Variants in DTNA observed in about 807,000 individuals in gnomAD.
DTNA encodes the protein dystrobrevin alpha.
A neutral mutation model predicts 100.7 loss-of-function variants in DTNA; 43 were observed. That is an observed-to-expected ratio of 0.43 (90% CI 0.33 to 0.55). The LOEUF is 0.55. Ranked by LOEUF, DTNA falls within the 20% of genes least tolerant of loss-of-function variation. The pLI is 0.04. For missense variants in DTNA, 798 were observed against 953.9 expected, an observed-to-expected ratio of 0.84 and a Z score of 2.15; for synonymous variants, 349 against 347.9, an observed-to-expected ratio of 1.00 and a Z score of -0.04.
At position 34,557,744 on chromosome 18, in the gene DTNA, G is replaced by A. The variant is rs1460357121; in HGVS notation, c.-2+64230G>A. ...TGCCTGTTCTCAGATTTCCAGCTAC[G>A]TGCTGGGAGAACCACTGCCCTCTTC... is the stretch of plus-strand genomic sequence containing the variant. On this transcript the variant is annotated intron_variant, in intron 1 of 19. Coordinates refer to the DTNA transcript ENST00000283365. 4.0e-5 allele frequency among the ~76,000 whole-genome samples: 6 copies of A among 151,338 alleles called. No individual in the cohort carries two copies. The East Asian group carries it at 5.8e-4, about 15-fold the overall frequency.
intron 1 of DTNA, among the ~76,000 whole-genome samples, chr18:34,697,152 A>G (rs2080687454): frequency 6.6e-6 from 1 of 152,196 alleles, no homozygotes; most frequent in African/African-American, 2.4e-5. Flanking sequence ...ACCAGGTTCA[A>G]TATGTGGTAT....
intron 9 of DTNA, among the ~76,000 whole-genome samples, chr18:34,821,719 A>C (rs1413061284): frequency 6.6e-6 from 1 of 152,184 alleles, no homozygotes; most frequent in Non-Finnish European, 1.5e-5. Context: ...CTCCTTATGA[A>C]CTGCCTGTAG....
At chr18:34,775,288 G>A (rs1842412) in intron 3 of DTNA, among the ~76,000 whole-genome samples, 105,844 of 151,958 alleles carry the variant, frequency 0.7, 37,901 homozygotes, top group East Asian at 0.9. Flanking sequence ...AGATCGAGAC[G>A]ATCCTGGTGA....
chr18:34,815,991 A>G lies in DTNA; in HGVS notation c.686A>G (p.His229Arg). ...PQCLVWLPLL[H>R]RLANVENVFH... ...TGTCTGGTCTGGTTGCCTCTTCTGC[A>G]TCGACTAGCAAATGTGGAAAATGGT... Residue 229 changes from histidine to arginine, a missense_variant, in exon 7 of 23, where the codon CAT becomes CGT. Coordinates refer to ENST00000444659, the MANE Select transcript of DTNA (RefSeq NM_001386795.1). 1 of 1,613,826 alleles carries G rather than the reference A, an allele frequency of 6.2e-7. No homozygotes were observed. The highest frequency in any genetic ancestry group is 8.5e-7 in the Non-Finnish European group (1 of 1,179,742).
chr18:34,675,766 A>G (rs1484810073), intron 1 of DTNA, among the ~76,000 whole-genome samples: 1 of 152,186 alleles, frequency 6.6e-6, no homozygotes, highest in Non-Finnish European at 1.5e-5. Context: ...GATGGCAACC[A>G]AAAATATACA....
chr18:34,548,469 ATAAT>A (rs764111153), intron 1 of DTNA, among the ~76,000 whole-genome samples: 2 of 152,274 alleles, frequency 1.3e-5, no homozygotes, highest in African/African-American at 4.8e-5. Flanking sequence ...AAACTTGATG[ATAAT>A]TAACATTTTA....
intron 1 of DTNA, among the ~76,000 whole-genome samples, chr18:34,679,926 AG>A (rs2145437743): frequency 6.6e-6 from 1 of 152,288 alleles, no homozygotes; most frequent in Non-Finnish European, 1.5e-5. Context: ...TCTATTCTAA[AG>A]GTTATATAAT....
At chr18:34,724,958 G>A (rs910778243) in intron 1 of DTNA, among the ~76,000 whole-genome samples, 7 of 151,952 alleles carry the variant, frequency 4.6e-5, no homozygotes, top group South Asian at 2.1e-4. Context: ...TACAACCATC[G>A]GATATTTGAT....
chr18:34,501,912 T>C (rs917213711), intron 1 of DTNA, among the ~76,000 whole-genome samples: 1 of 152,198 alleles, frequency 6.6e-6, no homozygotes, highest in African/African-American at 2.4e-5. Flanking sequence ...ACCAGTCAGA[T>C]TGGATTAGGC....
intron 1 of DTNA, chr18:34,513,387 G>A (rs1261333412): frequency 6.6e-6 from 1 of 152,128 alleles, no homozygotes. Context: ...GGAAAATATG[G>A]CAAATTTCAA....
chr18:34,700,778 C>G (rs2081254346), intron 1 of DTNA, among the ~76,000 whole-genome samples: 3 of 152,210 alleles, frequency 2.0e-5, no homozygotes, highest in African/African-American at 7.2e-5. Context: ...TGGTTCATCA[C>G]TTTCCCATTT....
intron 1 of DTNA, among the ~76,000 whole-genome samples, chr18:34,532,570 AG>A (rs1274121260): frequency 1.2e-4 from 18 of 151,938 alleles, no homozygotes; most frequent in South Asian, 2.1e-4. Flanking sequence ...CCCGGAAGGA[AG>A]TCTTTGTTCT....
At chr18:34,813,822 A>C (rs1476446340) in intron 6 of DTNA, among the ~76,000 whole-genome samples, 1 of 149,814 alleles carries the variant, frequency 6.7e-6, no homozygotes, top group African/African-American at 2.5e-5. Context: ...AGCCTGGGAG[A>C]CAAAGCAAGA....
At chr18:34,515,895 C>T (rs915897229) in intron 1 of DTNA, among the ~76,000 whole-genome samples, 4 of 152,084 alleles carry the variant, frequency 2.6e-5, no homozygotes, top group African/African-American at 9.7e-5. Flanking sequence ...CTGAAAGAAG[C>T]AGAGGTATCA....
intron 1 of DTNA, among the ~76,000 whole-genome samples, chr18:34,571,551 C>G (rs550370087): frequency 6.6e-6 from 1 of 151,598 alleles, no homozygotes; most frequent in Non-Finnish European, 1.5e-5. Context: ...GAGACCAGCC[C>G]GAGCAACATA....
intron 14 of DTNA, among the ~76,000 whole-genome samples, chr18:34,850,541 T>C (rs544615455): frequency 2.6e-5 from 4 of 152,354 alleles, no homozygotes; most frequent in African/African-American, 9.6e-5. Context: ...ACTTAATCTT[T>C]CCTACAGTTA....
Position 34,858,265 on chromosome 18 carries a change from C to T in DTNA, c.1533-20C>T. The T allele has an allele frequency of 6.2e-7, 1 of 1,612,474 alleles. No homozygotes were observed. The highest frequency in any genetic ancestry group is 8.5e-7 in the Non-Finnish European group (1 of 1,178,766). ...AAAGCTAACTAACCTTGGTTTCTCACCTTCCTCCTCTCTCCCAAGAGAAAT... is the reference window on the plus strand; with the variant it reads ...AAAGCTAACTAACCTTGGTTTCTCATCTTCCTCCTCTCTCCCAAGAGAAAT... On this transcript the variant is annotated intron_variant, in intron 15 of 22. Transcript: ENST00000444659.
intron 1 of DTNA, among the ~76,000 whole-genome samples, chr18:34,647,458 C>G (rs956840020): frequency 6.6e-6 from 1 of 152,158 alleles, no homozygotes; most frequent in Non-Finnish European, 1.5e-5. Flanking sequence ...AGAAGTACCT[C>G]GTATCACCTT....
At chr18:34,573,586 A>G (rs1254706355) in intron 1 of DTNA, among the ~76,000 whole-genome samples, 1 of 152,238 alleles carries the variant, frequency 6.6e-6, no homozygotes, top group Non-Finnish European at 1.5e-5. Flanking sequence ...TAATTGAAAA[A>G]TTAAAATTGT....
Sources: allele counts gnomAD v4.1 joint callset (sites outside exome capture counted in the v4.1 genomes callset), GRCh38; gene constraint gnomAD v4.1.1; transcripts MANE v1.5; gene names NCBI Gene and HGNC (gene_info 2026-07-23, HGNC 2026-07-21).